ZBED6: variants seen among roughly 807,000 people sequenced by gnomAD.
The protein encoded by ZBED6 is zinc finger BED domain-containing protein 6.
A neutral mutation model predicts 58.4 loss-of-function variants in ZBED6; 40 were observed. The observed-to-expected ratio is 0.68, with a 90% CI of 0.53 to 0.89. The LOEUF (loss-of-function observed/expected upper bound fraction) is 0.89, where lower values mean the gene tolerates loss of function less well. ZBED6 is among the 40% of genes least tolerant of loss of function. The pLI is 0.00. For synonymous variants in ZBED6, 439 were observed against 350.6 expected (o/e 1.25, Z -2.82); for missense variants, 1,057 against 1,003.9 (o/e 1.05, Z -0.71).
chr1:203,831,591 C>CA, intron 7 of ZBED6, 70 bp from the exon 8 acceptor site: 1 of 1,421,640 alleles, frequency 7.0e-7, no homozygotes, highest in Non-Finnish European at 9.7e-7. Flanking sequence ...GTTACAAAAA[C>CA]AAATTTTTTG....
exon 1 of ZBED6, chr1:203,801,717 A>G (rs1314117457): frequency 1.3e-5 from 2 of 152,486 alleles, no homozygotes; most frequent in East Asian, 1.9e-4. Context: ...GAAATTATGT[A>G]GTATTTATTA....
At chr1:203,817,694 T>C (rs1026933773) in intron 2 of ZBED6, among the ~76,000 whole-genome samples, 1 of 152,096 alleles carries the variant, frequency 6.6e-6, no homozygotes, top group African/African-American at 2.4e-5. Flanking sequence ...TGTGATTTTA[T>C]GACTAATTCT....
exon 17 of ZBED6, chr1:203,852,145 G>T (rs200162002): frequency 6.2e-7 from 1 of 1,612,998 alleles, no homozygotes; most frequent in Non-Finnish European, 8.5e-7. Context: ...TTACAGTCTT[G>T]TGCTGCCTCC....
intron 4 of ZBED6, 28 bp downstream of exon 4, chr1:203,828,450 A>G: frequency 6.3e-7 from 1 of 1,578,890 alleles, no homozygotes. Flanking sequence ...TTTTAAAAGA[A>G]TATCAAATGA....
chr1:203,852,247 T>C, exon 17 of ZBED6: 1 of 1,613,600 alleles, frequency 6.2e-7, no homozygotes, highest in East Asian at 2.2e-5. Flanking sequence ...CAGCTCTGCC[T>C]CAACAGGAAA....
rs928451795 is a variant in ZBED6, at chr1:203,838,780, A to G, written c.*3672+716A>G. On this transcript the variant is annotated intron_variant, in intron 10 of 16. Coordinates refer to ENST00000550078, the Ensembl canonical transcript of ZBED6. ...AGTCTGGCCAACATGGCAAAACCCC[A>G]TCTTTACTAAAAATACAAAAAAATT... Among the ~76,000 whole-genome samples, 27 of 152,118 alleles carry G rather than the reference A, an allele frequency of 1.8e-4. No individual in the cohort carries two copies. In the South Asian group the frequency reaches 3.3e-3, roughly 19 times the overall value.
chr1:203,812,120 A>C (rs1318013813), intron 1 of ZBED6, among the ~76,000 whole-genome samples: 1 of 152,018 alleles, frequency 6.6e-6, no homozygotes, highest in African/African-American at 2.4e-5. Flanking sequence ...CTGGGCCTTA[A>C]CTTTCATTTT....
At chr1:203,846,019 G>A (rs1307384660) in intron 11 of ZBED6, among the ~76,000 whole-genome samples, 2 of 147,970 alleles carry the variant, frequency 1.4e-5, no homozygotes, top group African/African-American at 5.0e-5. Flanking sequence ...GCTCACACCT[G>A]TAATCCCAGC....
exon 1 of ZBED6, chr1:203,798,550 T>G (rs1312529823): frequency 6.5e-7 from 1 of 1,536,156 alleles, no homozygotes; most frequent in East Asian, 2.4e-5. Context: ...AGTGATCTCT[T>G]GAGTGATACC....
intron 3 of ZBED6, among the ~76,000 whole-genome samples, chr1:203,827,196 T>G (rs1017388235): frequency 2.0e-5 from 3 of 152,212 alleles, no homozygotes; most frequent in Non-Finnish European, 2.9e-5. Flanking sequence ...CTAGTATTGA[T>G]GTACACATGG....
At chr1:203,846,385 A>G (rs1687918948) in intron 11 of ZBED6, among the ~76,000 whole-genome samples, 2 of 152,082 alleles carry the variant, frequency 1.3e-5, no homozygotes, top group South Asian at 4.1e-4. Context: ...TGGCATGCCA[A>G]TTTCTGGGCC....
chr1:203,798,314 C>G (rs781143251), exon 1 of ZBED6: 1 of 1,536,098 alleles, frequency 6.5e-7, no homozygotes, highest in South Asian at 1.2e-5. Flanking sequence ...GAACTAGAGC[C>G]AAGACATCTG....
Position 203,807,522 on chromosome 1 carries a change from G to GT in ZBED6, c.*2554+4516dup, listed in dbSNP as rs1245271188. On this transcript the variant is annotated intron_variant, in intron 1 of 16. Coordinates refer to ENST00000550078, the Ensembl canonical transcript of ZBED6. ...ACACAAAGTTTTGTTTTGTCTTACT[G>GT]TTTTTTTTTTGTTGGTTTTTTAGAG... 6.5e-3 allele frequency among the ~76,000 whole-genome samples: 940 copies of GT among 144,854 alleles called. 6 individuals carry two copies. The highest frequency in any genetic ancestry group is 9.4e-3 in the Non-Finnish European group (618 of 65,724).
At chr1:203,798,187 C>A in exon 1 of ZBED6, 1 of 1,536,126 alleles carries the variant, frequency 6.5e-7, no homozygotes, top group Non-Finnish European at 8.7e-7. Flanking sequence ...CCTACTGATC[C>A]ATTAGATGAT....
intron 8 of ZBED6, among the ~76,000 whole-genome samples, chr1:203,832,152 G>A (rs1682585675): frequency 1.3e-5 from 2 of 152,126 alleles, no homozygotes; most frequent in Non-Finnish European, 2.9e-5. Context: ...TCCGTCTTCT[G>A]GGTTCAAGCA....
intron 15 of ZBED6, 126 bp from the exon 16 acceptor site, chr1:203,850,931 T>G (rs1021678498): frequency 1.6e-6 from 2 of 1,268,370 alleles, no homozygotes; most frequent in Admixed American, 4.4e-5. Flanking sequence ...CTTTAGATTA[T>G]CGATTCTTAG....
chr1:203,803,112 A>G (rs902810757), intron 1 of ZBED6, 96 bp downstream of exon 1: 4 of 152,372 alleles, frequency 2.6e-5, no homozygotes, highest in African/African-American at 9.6e-5. Flanking sequence ...TTAAAAGGCC[A>G]TTGTTCAGAC....
At position 203,818,581 on chromosome 1, in the gene ZBED6, C is replaced by T. The variant is rs776765467; in HGVS notation, c.*2765C>T. ...CTATTTGTTTACAGGGTGACAGCTG[C>T]CCATTCCGTCACTGTGAAGCTGCAA... is the stretch of plus-strand genomic sequence containing the variant. On this transcript the variant is annotated 3_prime_UTR_variant, in exon 3 of 17. Coordinates refer to ENST00000550078, the Ensembl canonical transcript of ZBED6. 102 of 1,613,960 alleles carry T rather than the reference C, an allele frequency of 6.3e-5. No individual in the cohort carries two copies. In the East Asian group the frequency reaches 1.8e-3, roughly 29 times the overall value.
exon 12 of ZBED6, chr1:203,847,552 A>G (rs1688216930): frequency 6.2e-7 from 1 of 1,613,866 alleles, no homozygotes; most frequent in South Asian, 1.1e-5. Context: ...GGAGGTGCAC[A>G]TCAAGACGCT....
Sources: allele counts gnomAD v4.1 joint callset (sites outside exome capture counted in the v4.1 genomes callset), GRCh38; gene constraint gnomAD v4.1.1; transcripts MANE v1.5; gene names NCBI Gene and HGNC (gene_info 2026-07-23, HGNC 2026-07-21).